ERICH5: variants seen among roughly 807,000 people sequenced by gnomAD.
ERICH5 encodes the protein glutamate-rich protein 5.
Under a neutral mutation model 28.0 loss-of-function variants are expected in ERICH5, and 24 were observed. That is an observed-to-expected ratio of 0.86 (90% CI 0.62 to 1.21). The LOEUF is 1.21. Among genes scored for constraint, ERICH5 ranks in the 50% most tolerant of loss-of-function variants. The pLI is 0.00. For synonymous variants in ERICH5, 163 were observed against 157.6 expected (o/e 1.03, Z -0.25); for missense variants, 421 against 441.2 (o/e 0.95, Z 0.41).
intron 1 of ERICH5, 130 bp downstream of exon 1, chr8:98,064,857 G>T: frequency 1.5e-6 from 1 of 654,644 alleles, no homozygotes; most frequent in Non-Finnish European, 2.3e-6. Context: ...CGGAGGATGC[G>T]AGCAGAACCC....
intron 1 of ERICH5, among the ~76,000 whole-genome samples, chr8:98,080,409 C>A (rs922281238): frequency 1.1e-4 from 17 of 152,256 alleles, no homozygotes; most frequent in East Asian, 1.9e-4. Flanking sequence ...GGAGATCAAA[C>A]ACATTAAAAA....
At chr8:98,065,695 A>T (rs529252222) in intron 1 of ERICH5, among the ~76,000 whole-genome samples, 3 of 152,372 alleles carry the variant, frequency 2.0e-5, no homozygotes, top group Admixed American at 1.3e-4. Flanking sequence ...TTGAATGGCT[A>T]AAATTTTGGA....
At chr8:98,086,746 C>T (rs540271081) in intron 1 of ERICH5, among the ~76,000 whole-genome samples, 481 of 151,952 alleles carry the variant, frequency 3.2e-3, no homozygotes, top group Non-Finnish European at 5.5e-3. Flanking sequence ...GTCATGAGAT[C>T]GAGACCATCC....
intron 1 of ERICH5, among the ~76,000 whole-genome samples, chr8:98,085,544 C>T (rs1815260908): frequency 6.8e-6 from 1 of 147,374 alleles, no homozygotes; most frequent in African/African-American, 2.5e-5. Flanking sequence ...AATAAAGATG[C>T]TATGAACATT....
chr8:98,077,134 T>C (rs1815070888), intron 1 of ERICH5, among the ~76,000 whole-genome samples: 1 of 151,974 alleles, frequency 6.6e-6, no homozygotes, highest in Non-Finnish European at 1.5e-5. Flanking sequence ...TTTCCTCAAC[T>C]ATATAATGGG....
intron 1 of ERICH5, among the ~76,000 whole-genome samples, chr8:98,079,380 T>A (rs117999450): frequency 0.012 from 1,876 of 152,104 alleles, 24 homozygotes; most frequent in South Asian, 0.02. Flanking sequence ...CCCACCCAGA[T>A]CTTGCCTGTA....
At chr8:98,091,917 C>CTT (rs1278720071) in intron 2 of ERICH5, among the ~76,000 whole-genome samples, 12 of 71,098 alleles carry the variant, frequency 1.7e-4, no homozygotes, top group African/African-American at 7.0e-4. Context: ...TTCTTTCTTT[C>CTT]TTCCTTTCTT....
intron 1 of ERICH5, among the ~76,000 whole-genome samples, chr8:98,065,757 C>T (rs1391791802): frequency 1.3e-5 from 2 of 152,192 alleles, no homozygotes; most frequent in African/African-American, 4.8e-5. Flanking sequence ...CAGTCTTCTG[C>T]AAGGCGAACT....
chr8:98,092,036 A>G (rs1815419412), intron 2 of ERICH5, among the ~76,000 whole-genome samples: 2 of 14,374 alleles, frequency 1.4e-4, no homozygotes, highest in Non-Finnish European at 3.2e-4. Flanking sequence ...TCGAGACAAG[A>G]TCTTCAAGCT....
At chr8:98,084,187 C>T (rs1815232323) in intron 1 of ERICH5, among the ~76,000 whole-genome samples, 1 of 151,642 alleles carries the variant, frequency 6.6e-6, no homozygotes, top group African/African-American at 2.4e-5. Context: ...CCCGGCCTAT[C>T]CTATATTTTC....
intron 2 of ERICH5, among the ~76,000 whole-genome samples, chr8:98,091,935 T>C (rs1815411625): frequency 2.3e-5 from 2 of 87,926 alleles, no homozygotes; most frequent in Admixed American, 1.4e-4. Context: ...CTTTCTTTCT[T>C]CCTTTCTTTC....
chr8:98,076,007 T>TAA (rs1815046299), intron 1 of ERICH5, among the ~76,000 whole-genome samples: 2 of 151,954 alleles, frequency 1.3e-5, no homozygotes, highest in African/African-American at 4.8e-5. Flanking sequence ...ATCACATTGG[T>TAA]GAGGTGGGTC....
intron 1 of ERICH5, among the ~76,000 whole-genome samples, chr8:98,066,776 T>C (rs1814826343): frequency 6.6e-6 from 1 of 152,246 alleles, no homozygotes; most frequent in African/African-American, 2.4e-5. Context: ...AATTAGATAC[T>C]ATTCTGTGTT....
At position 98,070,660 on chromosome 8, in the gene ERICH5, C is replaced by CAA. The variant is rs769042472; in HGVS notation, c.58+5954_58+5955dup. Reference sequence around the variant, plus strand: ...GGGCAACAAGAGTGAAACTGCATCTCAAAAAAAAAAAAAAAAAAAAAAGAA... The same window carrying CAA: ...GGGCAACAAGAGTGAAACTGCATCTCAAAAAAAAAAAAAAAAAAAAAAAAGAA... On this transcript the variant is annotated intron_variant, in intron 1 of 2. Transcript: ENST00000318528. 8.5e-3 allele frequency among the ~76,000 whole-genome samples: 328 copies of CAA among 38,550 alleles called. 14 individuals carry two copies. Among genetic ancestry groups the CAA allele is most frequent in the Middle Eastern group, 0.042 (1 of 24 alleles). 25.3% of individuals were successfully genotyped at this position (38,550 alleles called of 152,430 possible).
In ERICH5 at chr8:98,089,438, G is replaced by C; in HGVS notation, c.421G>C (p.Glu141Gln). The change falls in exon 2 of 3, where the codon GAG becomes CAG. Residue 141 changes from glutamate (E) to glutamine (Q), a missense_variant. Glu to Gln is a conservative substitution (Grantham distance 29, BLOSUM62 2). Coordinates refer to ENST00000318528, the MANE Select transcript of ERICH5 (RefSeq NM_173549.3). Reference protein sequence around the residue: ...KKDAGAGTEAESLKGNAEAQP... With the variant: ...KKDAGAGTEAQSLKGNAEAQP... ...AGATGCAGGAGCAGGGACAGAGGCC[G>C]AGTCTCTAAAAGGAAATGCTGAAGC... is the stretch of plus-strand genomic sequence containing the variant. 6.2e-7 allele frequency: 1 copy of C among 1,614,222 alleles called. No homozygotes were observed. Among genetic ancestry groups the C allele is most frequent in the Non-Finnish European group, 8.5e-7 (1 of 1,180,050 alleles).
rs769042472 is a variant in ERICH5, at chr8:98,070,660, C to CAAAAAAAAAAAAAAAA, written c.58+5940_58+5955dup. Among the ~76,000 whole-genome samples the CAAAAAAAAAAAAAAAA allele has an allele frequency of 3.8e-3, 147 of 38,710 alleles. 5 individuals carry two copies. Among genetic ancestry groups the CAAAAAAAAAAAAAAAA allele is most frequent in the Non-Finnish European group, 5.2e-3 (101 of 19,400 alleles). 25.4% of individuals were successfully genotyped at this position (38,710 alleles called of 152,430 possible). On this transcript the variant is annotated intron_variant, in intron 1 of 2. Coordinates refer to ENST00000318528, the MANE Select transcript of ERICH5 (RefSeq NM_173549.3). The stretch of plus-strand genomic sequence containing the variant: ...GGGCAACAAGAGTGAAACTGCATCT[C>CAAAAAAAAAAAAAAAA]AAAAAAAAAAAAAAAAAAAAAAGAA...
chr8:98,081,673 A>G (rs2514326), intron 1 of ERICH5, among the ~76,000 whole-genome samples: 78,920 of 151,968 alleles, frequency 0.52, 21,589 homozygotes, highest in Middle Eastern at 0.63. Context: ...TACGCCTGTA[A>G]CCCCAGCACT....
At chr8:98,082,617 C>G (rs532570351) in intron 1 of ERICH5, among the ~76,000 whole-genome samples, 16 of 150,516 alleles carry the variant, frequency 1.1e-4, no homozygotes, top group Admixed American at 3.3e-4. Context: ...TGCACTCCAG[C>G]CTGGGCAGTA....
At chr8:98,079,196 G>C (rs564427699) in intron 1 of ERICH5, among the ~76,000 whole-genome samples, 47 of 134,164 alleles carry the variant, frequency 3.5e-4, no homozygotes, top group African/African-American at 1.2e-3. Context: ...TTTGAGACAG[G>C]GTCTCTGTCT....
Sources: allele counts gnomAD v4.1 joint callset (sites outside exome capture counted in the v4.1 genomes callset), GRCh38; gene constraint gnomAD v4.1.1; transcripts MANE v1.5; gene names NCBI Gene and HGNC (gene_info 2026-07-23, HGNC 2026-07-21).